The following ACOT12 variants were observed in gnomAD, a reference collection of about 807,000 sequenced individuals.
The protein encoded by ACOT12 is acyl-CoA thioesterase 12, also known as acetyl-coenzyme A thioesterase.
A neutral mutation model predicts 67.7 loss-of-function variants in ACOT12; 51 were observed. The ratio of observed to expected loss-of-function variants is 0.75; its 90% CI spans 0.60 to 0.95. The LOEUF (loss-of-function observed/expected upper bound fraction) is 0.95, where lower values mean the gene tolerates loss of function less well. ACOT12 is among the 40% of genes least tolerant of loss of function. ACOT12 has a pLI of 0.00. For synonymous variants in ACOT12, 251 were observed against 244.6 expected (o/e 1.03, Z -0.24); for missense variants, 734 against 708.1 (o/e 1.04, Z -0.41).
At chr5:81,350,523 T>A (rs534664066) in intron 5 of ACOT12, among the ~76,000 whole-genome samples, 1 of 152,354 alleles carries the variant, frequency 6.6e-6, no homozygotes, top group East Asian at 1.9e-4. Context: ...CTATCTTTTA[T>A]GATTTTTCAC....
At chr5:81,381,487 T>C (rs13357760) in intron 2 of ACOT12, among the ~76,000 whole-genome samples, 41,747 of 151,948 alleles carry the variant, frequency 0.27, 9,394 homozygotes, top group African/African-American at 0.62. Context: ...ACAGTGTATA[T>C]TTTATATACT....
chr5:81,311,229 G>T, the ACOT12 span: 1 of 1,614,006 alleles, frequency 6.2e-7, no homozygotes, highest in African/African-American at 1.3e-5. Flanking sequence ...TGCAAACTTT[G>T]TGGCTCTGTG....
At chr5:81,393,908 CCTA>C in intron 1 of ACOT12, 77 bp downstream of exon 1, 1 of 1,249,936 alleles carries the variant, frequency 8.0e-7, no homozygotes, top group Non-Finnish European at 1.0e-6. Context: ...TCCTCGCCTT[CCTA>C]CCCCCCCCAG....
the ACOT12 span, among the ~76,000 whole-genome samples, chr5:81,314,117 AT>A: frequency 5.0e-4 from 75 of 149,554 alleles, no homozygotes; most frequent in African/African-American, 1.6e-3. Context: ...TGTGTGTATA[AT>A]TTTTTTTTTG....
At position 81,330,813 on chromosome 5, in the gene ACOT12, C is replaced by T. The variant is rs376533855; in HGVS notation, c.1518+1G>A. 2.9e-5 allele frequency: 46 copies of T among 1,612,760 alleles called. No homozygotes were observed. Among genetic ancestry groups the T allele is most frequent in the East Asian group, 1.1e-4 (5 of 44,882 alleles). On this transcript the variant is annotated splice_donor_variant, in intron 14 of 14. Coordinates refer to ENST00000307624, the MANE Select transcript of ACOT12 (RefSeq NM_130767.3). LOFTEE classifies it high-confidence loss of function. ...ATCTGCAGATGTTTCATCAAACTTA[C>T]GATGCATGAATTGCTGTCAATAGCA...
rs539080123 is a variant in ACOT12, at chr5:81,393,644, G to A, written c.127+344C>T. ...AGGTGGGAGGATCGCTTTAGCTCAG[G>A]AGGTCGAGGCTGCAGCGACCTCTGA... On this transcript the variant is annotated intron_variant, in intron 1 of 14. Coordinates refer to ENST00000307624, the MANE Select transcript of ACOT12 (RefSeq NM_130767.3). Among the ~76,000 whole-genome samples, 23 of 152,232 alleles carry A rather than the reference G, an allele frequency of 1.5e-4. No homozygotes were observed. The South Asian group carries it at 2.3e-3, about 15-fold the overall frequency.
intron 11 of ACOT12, among the ~76,000 whole-genome samples, chr5:81,341,634 G>T (rs989263588): frequency 1.3e-5 from 2 of 152,184 alleles, no homozygotes; most frequent in East Asian, 1.9e-4. Flanking sequence ...GAAGTGCCAG[G>T]CGCTCCTATG....
intron 1 of ACOT12, among the ~76,000 whole-genome samples, chr5:81,392,756 A>T (rs868364298): frequency 3.9e-5 from 6 of 152,192 alleles, no homozygotes; most frequent in African/African-American, 1.2e-4. Context: ...CTGTTAAAAA[A>T]AAAAAAGGCT....
intron 1 of ACOT12, 122 bp from the exon 2 acceptor site, chr5:81,385,948 C>T (rs1217575609): frequency 1.2e-6 from 1 of 823,984 alleles, no homozygotes; most frequent in African/African-American, 1.7e-5. Context: ...CATTATAGCA[C>T]CACTGTGCCT....
intron 1 of ACOT12, among the ~76,000 whole-genome samples, chr5:81,387,142 A>T (rs1472997442): frequency 6.6e-6 from 1 of 151,786 alleles, no homozygotes; most frequent in African/African-American, 2.4e-5. Context: ...AGTAGCTGGG[A>T]CTACAGGTGT....
chr5:81,353,827 A>G (rs1418448743), intron 5 of ACOT12, among the ~76,000 whole-genome samples: 2 of 152,172 alleles, frequency 1.3e-5, no homozygotes, highest in Non-Finnish European at 2.9e-5. Flanking sequence ...AAATATTCCA[A>G]TCTTTTATGT....
intron 2 of ACOT12, 43 bp downstream of exon 2, chr5:81,385,714 C>A (rs746463648): frequency 1.3e-6 from 2 of 1,597,064 alleles, no homozygotes; most frequent in East Asian, 2.2e-5. Context: ...CCAGATGAAC[C>A]CACAAACCCA....
rs527656459 is a variant in ACOT12 at position 81,336,132 on chromosome 5, T to C, written c.1129-231A>G. On this transcript the variant is annotated intron_variant, in intron 11 of 14. Transcript: ENST00000307624. The stretch of plus-strand genomic sequence containing the variant: ...AACAATATGTGACTTGAGGGTGGGC[T>C]ATTTAATTATTGCACAACAGTTTTT... Among the ~76,000 whole-genome samples the C allele has an allele frequency of 5.3e-5, 8 of 152,262 alleles. No homozygotes were observed. The East Asian group carries it at 1.5e-3, about 29-fold the overall frequency.
chr5:81,327,040 G>A (rs1209075723), downstream of ACOT12, among the ~76,000 whole-genome samples: 1 of 151,674 alleles, frequency 6.6e-6, no homozygotes, highest in Non-Finnish European at 1.5e-5. Flanking sequence ...TCCCAAATAT[G>A]ATAGTATCAA....
At chr5:81,331,926 T>C (rs1313613167) in intron 13 of ACOT12, among the ~76,000 whole-genome samples, 1 of 152,230 alleles carries the variant, frequency 6.6e-6, no homozygotes, top group Admixed American at 6.5e-5. Flanking sequence ...GGATTTTCCA[T>C]TTGTTTCTAA....
At chr5:81,360,677 G>A (rs564111334) in intron 4 of ACOT12, among the ~76,000 whole-genome samples, 1 of 152,250 alleles carries the variant, frequency 6.6e-6, no homozygotes, top group African/African-American at 2.4e-5. Flanking sequence ...AGAAGGAAGG[G>A]TCACCTTGAA....
intron 11 of ACOT12, among the ~76,000 whole-genome samples, chr5:81,340,072 C>T (rs1001924358): frequency 2.6e-5 from 4 of 151,346 alleles, no homozygotes; most frequent in Non-Finnish European, 4.4e-5. Context: ...GGGTCTCACT[C>T]TGTTGCCCAG....
chr5:81,343,566 T>C (rs895166684), intron 10 of ACOT12, among the ~76,000 whole-genome samples: 2 of 152,250 alleles, frequency 1.3e-5, no homozygotes, highest in African/African-American at 4.8e-5. Flanking sequence ...GCCATGCTTC[T>C]GGAACATATC....
At chr5:81,323,943 T>C in the ACOT12 span, among the ~76,000 whole-genome samples, 11 of 148,572 alleles carry the variant, frequency 7.4e-5, no homozygotes, top group African/African-American at 2.2e-4. Flanking sequence ...TATATGTGTA[T>C]ATATATATAT....
Sources: gnomAD v4.1 joint callset for allele counts (sites outside exome capture counted in the v4.1 genomes callset) on GRCh38, gnomAD v4.1.1 for gene constraint, MANE v1.5 for transcripts, NCBI Gene and HGNC (gene_info 2026-07-23, HGNC 2026-07-21) for gene names.